The following TRPM3 variants were observed in gnomAD, a reference collection of about 807,000 sequenced individuals.
The protein encoded by TRPM3 is long transient receptor potential channel 3.
Under a neutral mutation model 181.2 loss-of-function variants are expected in TRPM3, and 77 were observed. That is an observed-to-expected ratio of 0.42 (90% CI 0.35 to 0.51). The LOEUF (loss-of-function observed/expected upper bound fraction) is 0.51. Among genes scored for constraint, TRPM3 ranks in the 20% least tolerant of loss-of-function variants. TRPM3 has a pLI of 0.01. For synonymous variants in TRPM3, 745 were observed against 796.4 expected, an observed-to-expected ratio of 0.94 and a Z score of 1.09; for missense variants, 1,759 against 2,196.7, an observed-to-expected ratio of 0.80 and a Z score of 3.98.
intron 1 of TRPM3, among the ~76,000 whole-genome samples, chr9:71,335,798 C>CCG (rs35235330): frequency 1.3e-5 from 2 of 151,976 alleles, no homozygotes; most frequent in African/African-American, 4.8e-5. Context: ...TAGAATCTAA[C>CCG]AAACAGTTTT....
chr9:70,957,725 G>A (rs535918018), intron 1 of TRPM3, among the ~76,000 whole-genome samples: 10 of 152,086 alleles, frequency 6.6e-5, no homozygotes, highest in East Asian at 5.8e-4. Context: ...TCCAACTTTC[G>A]CAAATTTCAT....
intron 1 of TRPM3, among the ~76,000 whole-genome samples, chr9:71,330,616 A>G (rs920340098): frequency 2.0e-5 from 3 of 151,860 alleles, no homozygotes; most frequent in African/African-American, 7.3e-5. Context: ...TGATTTCTCC[A>G]TCTCAGAAAA....
chr9:70,670,705 AT>A (rs2062741867), intron 9 of TRPM3, among the ~76,000 whole-genome samples: 1 of 152,178 alleles, frequency 6.6e-6, no homozygotes, highest in South Asian at 2.1e-4. Context: ...TGCCCTAGGA[AT>A]TTTTAAAACC....
chr9:71,400,447 T>C (rs1013857978), intron 1 of TRPM3, among the ~76,000 whole-genome samples: 9 of 152,192 alleles, frequency 5.9e-5, no homozygotes, highest in African/African-American at 2.2e-4. Context: ...ATGTTCTTAT[T>C]TAATTCTGTT....
At chr9:70,921,952 C>CACACACACAAACAA (rs2096661060) in intron 1 of TRPM3, among the ~76,000 whole-genome samples, 2 of 151,378 alleles carry the variant, frequency 1.3e-5, no homozygotes, top group African/African-American at 4.9e-5. Context: ...AACACACACA[C>CACACACACAAACAA]ACACACACAC....
intron 1 of TRPM3, among the ~76,000 whole-genome samples, chr9:71,057,626 G>C (rs1478418396): frequency 1.3e-5 from 2 of 152,038 alleles, no homozygotes; most frequent in African/African-American, 4.8e-5. Context: ...TAAAAGTTAA[G>C]TGTTATCATT....
At chr9:71,166,694 C>G (rs925001995) in intron 1 of TRPM3, among the ~76,000 whole-genome samples, 12 of 152,238 alleles carry the variant, frequency 7.9e-5, no homozygotes, top group African/African-American at 2.9e-4. Context: ...GCCATGTAGT[C>G]TTTAAACAAC....
chr9:71,301,180 T>C lies in TRPM3; in HGVS notation c.183+145473A>G, dbSNP rs117907025. ...ATTTTTAATTAGGATTGATGTCTGA[T>C]TGGGCAAGAGATCTCACCTCATTCA... On this transcript the variant is annotated intron_variant, in intron 1 of 24. Coordinates refer to the TRPM3 transcript ENST00000357533. Among the ~76,000 whole-genome samples, 1,496 of 152,270 alleles carry C rather than the reference T, an allele frequency of 9.8e-3. 14 individuals are homozygous for C. The highest frequency in any genetic ancestry group is 0.017 in the Admixed American group (267 of 15,286).
chr9:71,181,748 G>T (rs111881310), intron 1 of TRPM3, among the ~76,000 whole-genome samples: 1 of 151,970 alleles, frequency 6.6e-6, no homozygotes, highest in East Asian at 1.9e-4. Flanking sequence ...GTTATCTGCC[G>T]TACACACTCA....
At chr9:71,059,120 A>T (rs1340066797) in intron 1 of TRPM3, among the ~76,000 whole-genome samples, 2 of 143,158 alleles carry the variant, frequency 1.4e-5, no homozygotes, top group Non-Finnish European at 3.0e-5. Context: ...GAGGAGAAAG[A>T]CTTGTTAAAG....
At chr9:70,653,612 A>C (rs2059877441) in intron 9 of TRPM3, among the ~76,000 whole-genome samples, 1 of 151,768 alleles carries the variant, frequency 6.6e-6, no homozygotes, top group African/African-American at 2.4e-5. Flanking sequence ...CAAAAGAGGA[A>C]AACAAAACAA....
chr9:71,146,487 A>C (rs2075414679), intron 1 of TRPM3, among the ~76,000 whole-genome samples: 1 of 152,154 alleles, frequency 6.6e-6, no homozygotes, highest in Non-Finnish European at 1.5e-5. Context: ...GTCCTAAAAG[A>C]ATACATTTCT....
At chr9:71,347,990 A>G (rs2091390841) in intron 1 of TRPM3, among the ~76,000 whole-genome samples, 1 of 152,126 alleles carries the variant, frequency 6.6e-6, no homozygotes, top group Admixed American at 6.5e-5. Flanking sequence ...AAAAGTTAAA[A>G]TGAACAACTC....
At chr9:71,300,899 G>A (rs1472461485) in intron 1 of TRPM3, among the ~76,000 whole-genome samples, 1 of 152,026 alleles carries the variant, frequency 6.6e-6, no homozygotes, top group East Asian at 1.9e-4. Flanking sequence ...GGACCAAATT[G>A]GATCCTCAAT....
chr9:70,649,513 G>C (rs190447403), intron 9 of TRPM3, among the ~76,000 whole-genome samples: 8 of 152,032 alleles, frequency 5.3e-5, no homozygotes, highest in Non-Finnish European at 8.8e-5. Flanking sequence ...TAAAAGAAGT[G>C]TATACATGTG....
intron 1 of TRPM3, among the ~76,000 whole-genome samples, chr9:70,991,016 G>C (rs1465729372): frequency 6.6e-6 from 1 of 152,136 alleles, no homozygotes; most frequent in Non-Finnish European, 1.5e-5. Flanking sequence ...GTGTTACATT[G>C]GGTTTAAAGG....
At chr9:70,857,667 G>T (rs935646468) in intron 3 of TRPM3, among the ~76,000 whole-genome samples, 2 of 152,102 alleles carry the variant, frequency 1.3e-5, no homozygotes, top group Admixed American at 6.6e-5. Flanking sequence ...GAGGAGGCTG[G>T]GTTCAAGAAC....
intron 1 of TRPM3, among the ~76,000 whole-genome samples, chr9:71,327,457 G>A (rs1442797325): frequency 1.3e-5 from 2 of 152,068 alleles, no homozygotes; most frequent in African/African-American, 4.8e-5. Flanking sequence ...ATATAGAGAA[G>A]AATGTTATAT....
At chr9:70,586,171 A>G (rs180958768) in intron 22 of TRPM3, among the ~76,000 whole-genome samples, 32 of 152,292 alleles carry the variant, frequency 2.1e-4, no homozygotes, top group African/African-American at 6.5e-4. Flanking sequence ...CTACACATGT[A>G]TCGTCAATGG....
Sources: allele counts gnomAD v4.1 joint callset (sites outside exome capture counted in the v4.1 genomes callset), GRCh38; gene constraint gnomAD v4.1.1; transcripts MANE v1.5; gene names NCBI Gene and HGNC (gene_info 2026-07-23, HGNC 2026-07-21).